The following SEM1 variants were observed in gnomAD, a reference collection of about 807,000 sequenced individuals.
The protein encoded by SEM1 is 26S proteasome complex subunit SEM1.
SEM1 carries 3 observed loss-of-function variants against 12.7 expected under a neutral mutation model. That is an observed-to-expected ratio of 0.24 (90% confidence interval 0.11 to 0.61). The LOEUF (loss-of-function observed/expected upper bound fraction) is 0.61. Ranked by LOEUF, SEM1 falls within the 20% of genes least tolerant of loss-of-function variation. SEM1 has a pLI of 0.88. For synonymous variants in SEM1, 30 were observed against 27.8 expected, an observed-to-expected ratio of 1.08 and a Z score of -0.25; for missense variants, 59 against 81.3, an observed-to-expected ratio of 0.73 and a Z score of 1.06.
At chr7:96,653,050 G>A (rs1271347447) in intron 2 of SEM1, among the ~76,000 whole-genome samples, 85 of 152,158 alleles carry the variant, frequency 5.6e-4, no homozygotes, top group Admixed American at 5.5e-3. Context: ...ACAATTCTAT[G>A]GTGGCAGGTA....
chr7:96,691,770 A>G (rs866187846), intron 2 of SEM1, among the ~76,000 whole-genome samples: 2 of 152,242 alleles, frequency 1.3e-5, no homozygotes, highest in Admixed American at 6.5e-5. Context: ...AAAACAAAAA[A>G]TTCAGTCCCT....
intron 2 of SEM1, among the ~76,000 whole-genome samples, chr7:96,662,886 T>C (rs1470681998): frequency 1.3e-5 from 2 of 152,128 alleles, no homozygotes; most frequent in African/African-American, 2.4e-5. Context: ...GTTGAACACA[T>C]GTTCCTGAAC....
At chr7:96,638,113 A>G (rs956857989) in intron 2 of SEM1, among the ~76,000 whole-genome samples, 2 of 152,106 alleles carry the variant, frequency 1.3e-5, no homozygotes, top group East Asian at 3.8e-4. Context: ...TTTTATACTC[A>G]GTTATTAATG....
At chr7:96,601,320 G>A (rs1009026756) in intron 2 of SEM1, among the ~76,000 whole-genome samples, 30 of 152,114 alleles carry the variant, frequency 2.0e-4, no homozygotes, top group African/African-American at 9.7e-5. Flanking sequence ...TAGTATCTGA[G>A]GAAGTGAGTG....
chr7:96,633,441 A>G (rs900105024), intron 2 of SEM1, among the ~76,000 whole-genome samples: 2 of 152,144 alleles, frequency 1.3e-5, no homozygotes, highest in African/African-American at 4.8e-5. Flanking sequence ...ACTTATTTTC[A>G]GAGTTTAAAA....
chr7:96,703,861 G>C (rs1208122756), intron 1 of SEM1, among the ~76,000 whole-genome samples: 1 of 151,948 alleles, frequency 6.6e-6, no homozygotes, highest in Non-Finnish European at 1.5e-5. Context: ...TAGGGAGGCT[G>C]AGACAGAGGA....
chr7:96,548,187 A>G (rs1476312482), intron 2 of SEM1, among the ~76,000 whole-genome samples: 1 of 152,116 alleles, frequency 6.6e-6, no homozygotes, highest in East Asian at 1.9e-4. Flanking sequence ...CTGAAAGAAC[A>G]TCCTATTTTC....
intron 2 of SEM1, among the ~76,000 whole-genome samples, chr7:96,545,690 AGAGCC>A (rs763067581): frequency 7.2e-5 from 11 of 152,094 alleles, no homozygotes; most frequent in Non-Finnish European, 1.5e-4. Context: ...CGTTATGCAT[AGAGCC>A]CTGAATTTTC....
downstream of SEM1, chr7:96,672,874 A>G (rs1300004752): frequency 6.6e-6 from 1 of 152,206 alleles, no homozygotes; most frequent in Non-Finnish European, 1.5e-5. Flanking sequence ...AAACCACCTG[A>G]GTCAGACTGC....
intron 1 of SEM1, 75 bp downstream of exon 1, chr7:96,709,613 G>C: frequency 7.0e-7 from 1 of 1,427,714 alleles, no homozygotes; most frequent in Non-Finnish European, 9.8e-7. Flanking sequence ...AGCTGGGCCC[G>C]AGCACCCAAG....
chr7:96,592,999 T>TTAAAAAA lies in SEM1; in HGVS notation c.171-86302_171-86301insTTTTTTA, dbSNP rs60512379. 5.5e-4 allele frequency among the ~76,000 whole-genome samples: 70 copies of TTAAAAAA among 128,058 alleles called. 1 individual carries two copies. Among genetic ancestry groups the TTAAAAAA allele is most frequent in the Admixed American group, 1.5e-3 (18 of 12,390 alleles). 84.0% of individuals were successfully genotyped at this position (128,058 alleles called of 152,430 possible). On this transcript the variant is annotated intron_variant and NMD_transcript_variant, in intron 2 of 3. Transcript: ENST00000466986. ...CCTCTCTGCTGTAATTCTCCCATAT[T>TTAAAAAA]AAAAAAAAAAAAAAAAAAAAAGGCA...
At chr7:96,633,566 A>G (rs1808337357) in intron 2 of SEM1, among the ~76,000 whole-genome samples, 2 of 152,286 alleles carry the variant, frequency 1.3e-5, no homozygotes, top group African/African-American at 4.8e-5. Flanking sequence ...ATAAATGAGG[A>G]TGTATTATAA....
At chr7:96,687,746 C>T (rs1039545008), downstream of SEM1, among the ~76,000 whole-genome samples, 5 of 151,646 alleles carry the variant, frequency 3.3e-5, no homozygotes, top group Admixed American at 2.6e-4. Context: ...AACTAACCTG[C>T]ACATTGTGCA....
intron 2 of SEM1, among the ~76,000 whole-genome samples, chr7:96,610,773 A>C (rs1161072064): frequency 6.6e-6 from 1 of 152,232 alleles, no homozygotes; most frequent in Non-Finnish European, 1.5e-5. Context: ...TGGGGGCAGT[A>C]GGAGATTCAA....
At chr7:96,625,216 G>T (rs950595785) in intron 2 of SEM1, among the ~76,000 whole-genome samples, 2 of 152,106 alleles carry the variant, frequency 1.3e-5, no homozygotes, top group Admixed American at 1.3e-4. Context: ...ACCTCAGGGT[G>T]CCAGCGCATC....
At chr7:96,693,183 C>T (rs1584867558) in intron 2 of SEM1, among the ~76,000 whole-genome samples, 1 of 126,452 alleles carries the variant, frequency 7.9e-6, no homozygotes, top group South Asian at 2.7e-4. Flanking sequence ...ATTTCACTTT[C>T]TGTTTGAACA....
intron 2 of SEM1, among the ~76,000 whole-genome samples, chr7:96,602,351 C>T (rs1807220918): frequency 6.6e-6 from 1 of 152,112 alleles, no homozygotes; most frequent in African/African-American, 2.4e-5. Flanking sequence ...AAATATGACC[C>T]CACATTTCTG....
At chr7:96,569,516 A>T (rs1192481909) in intron 2 of SEM1, among the ~76,000 whole-genome samples, 4 of 152,148 alleles carry the variant, frequency 2.6e-5, no homozygotes, top group South Asian at 2.1e-4. Context: ...CTTAATTTTT[A>T]AATATTTTAT....
At chr7:96,573,158 C>T (rs1806094722) in intron 2 of SEM1, among the ~76,000 whole-genome samples, 1 of 149,204 alleles carries the variant, frequency 6.7e-6, no homozygotes, top group Non-Finnish European at 1.5e-5. Context: ...TCCTCTGTCC[C>T]TTTATTTTGA....
Sources: gnomAD v4.1 joint callset for allele counts (sites outside exome capture counted in the v4.1 genomes callset) on GRCh38, gnomAD v4.1.1 for gene constraint, MANE v1.5 for transcripts, NCBI Gene and HGNC (gene_info 2026-07-23, HGNC 2026-07-21) for gene names.